The following GRM8 variants were observed in gnomAD, a reference collection of about 807,000 sequenced individuals.
GRM8 encodes the protein metabotropic glutamate receptor 8.
A neutral mutation model predicts 87.2 loss-of-function variants in GRM8; 47 were observed. That is an observed-to-expected ratio of 0.54 (90% CI 0.43 to 0.69). GRM8 has a LOEUF of 0.69. Among genes scored for constraint, GRM8 ranks in the 30% least tolerant of loss-of-function variants. The pLI is 0.00. For synonymous variants in GRM8, 396 were observed against 404.5 expected (o/e 0.98, Z 0.25); for missense variants, 1,019 against 1,139.2 (o/e 0.89, Z 1.52).
At chr7:126,506,548 G>T (rs1221118701) in intron 9 of GRM8, among the ~76,000 whole-genome samples, 2 of 152,018 alleles carry the variant, frequency 1.3e-5, no homozygotes, top group Middle Eastern at 3.2e-3. Flanking sequence ...GAGAGGCCCA[G>T]GCGGGCAGAT....
At chr7:127,247,869 T>C (rs1276047401) in intron 1 of GRM8, among the ~76,000 whole-genome samples, 1 of 152,206 alleles carries the variant, frequency 6.6e-6, no homozygotes, top group Admixed American at 6.5e-5. Context: ...ATAACTGATT[T>C]TGTTTGCAAG....
At chr7:127,155,672 CAA>C (rs1792679215) in intron 2 of GRM8, among the ~76,000 whole-genome samples, 1 of 152,046 alleles carries the variant, frequency 6.6e-6, no homozygotes, top group Non-Finnish European at 1.5e-5. Flanking sequence ...GTTCGGTTCA[CAA>C]AAGTTTTATT....
intron 2 of GRM8, among the ~76,000 whole-genome samples, chr7:127,147,500 C>T (rs899742385): frequency 2.0e-5 from 3 of 151,986 alleles, no homozygotes; most frequent in Admixed American, 2.0e-4. Flanking sequence ...TTGGTCTCTG[C>T]TTTGGGCAAA....
intron 3 of GRM8, among the ~76,000 whole-genome samples, chr7:127,005,337 T>C (rs1814179349): frequency 6.6e-6 from 1 of 151,668 alleles, no homozygotes; most frequent in South Asian, 2.1e-4. Flanking sequence ...ATCTAGTATC[T>C]TTTCTACCAG....
chr7:127,186,920 T>A (rs1176454059), intron 2 of GRM8, among the ~76,000 whole-genome samples: 2 of 152,158 alleles, frequency 1.3e-5, no homozygotes, highest in Non-Finnish European at 2.9e-5. Context: ...GGACCTCATG[T>A]GGGAAGTGTT....
intron 2 of GRM8, among the ~76,000 whole-genome samples, chr7:127,212,756 G>C (rs892461820): frequency 2.0e-5 from 3 of 152,280 alleles, no homozygotes; most frequent in Non-Finnish European, 2.9e-5. Flanking sequence ...AAAAACCAAA[G>C]TAACAATCTA....
intron 3 of GRM8, among the ~76,000 whole-genome samples, chr7:126,915,898 T>C (rs191208313): frequency 1.1e-4 from 16 of 152,332 alleles, no homozygotes; most frequent in African/African-American, 3.6e-4. Context: ...TAGGTTTAAA[T>C]GAATGTCATT....
At chr7:126,901,927 ACT>A (rs763025924) in intron 6 of GRM8, among the ~76,000 whole-genome samples, 15 of 151,888 alleles carry the variant, frequency 9.9e-5, no homozygotes, top group East Asian at 1.9e-4. Flanking sequence ...GTTCTAAGTA[ACT>A]CTGTCTCAAA....
intron 3 of GRM8, among the ~76,000 whole-genome samples, chr7:127,081,891 A>C (rs1255050156): frequency 2.6e-5 from 4 of 152,216 alleles, no homozygotes; most frequent in African/African-American, 9.6e-5. Context: ...CAATTTCTGA[A>C]GGTATCAGCA....
intron 8 of GRM8, among the ~76,000 whole-genome samples, chr7:126,567,374 C>G (rs1467372062): frequency 7.4e-6 from 1 of 135,720 alleles, no homozygotes; most frequent in East Asian, 2.1e-4. Context: ...CACATGGACA[C>G]AGGAAGGGGA....
intron 6 of GRM8, among the ~76,000 whole-genome samples, chr7:126,796,752 C>G (rs528697392): frequency 1.3e-5 from 2 of 152,074 alleles, no homozygotes; most frequent in East Asian, 1.9e-4. Flanking sequence ...GTTAAAGCAC[C>G]CTCCAAAAAG....
At chr7:126,934,194 C>G (rs1004824576) in intron 3 of GRM8, among the ~76,000 whole-genome samples, 15 of 152,144 alleles carry the variant, frequency 9.9e-5, no homozygotes, top group African/African-American at 3.6e-4. Context: ...TATAAAAATA[C>G]ATAGCTCTAG....
At chr7:127,116,652 G>C (rs1022526920) in intron 2 of GRM8, among the ~76,000 whole-genome samples, 2 of 152,266 alleles carry the variant, frequency 1.3e-5, no homozygotes, top group East Asian at 3.9e-4. Context: ...TTGACACATT[G>C]AAAAATGAAG....
intron 3 of GRM8, among the ~76,000 whole-genome samples, chr7:127,002,405 C>T (rs192220187): frequency 2.3e-3 from 343 of 151,644 alleles, no homozygotes; most frequent in African/African-American, 7.9e-3. Context: ...TTCCTCCTAC[C>T]CAGCTGGGAA....
At chr7:126,510,281 C>T (rs1811134452) in intron 9 of GRM8, among the ~76,000 whole-genome samples, 1 of 126,752 alleles carries the variant, frequency 7.9e-6, no homozygotes, top group African/African-American at 2.9e-5. Flanking sequence ...TTTAAAGACA[C>T]ATAGGTTTTA....
intron 7 of GRM8, among the ~76,000 whole-genome samples, chr7:126,639,378 G>A (rs1234258380): frequency 1.3e-5 from 2 of 152,210 alleles, no homozygotes; most frequent in African/African-American, 2.4e-5. Context: ...ATTTCCAGCA[G>A]TGTGGGGTCC....
intron 6 of GRM8, among the ~76,000 whole-genome samples, chr7:126,855,023 T>A (rs1041885839): frequency 1.3e-5 from 2 of 152,196 alleles, no homozygotes; most frequent in Admixed American, 6.5e-5. Context: ...TCAGGGGGAA[T>A]GCTTTCAGTT....
At chr7:126,506,885 C>T (rs1231962705) in intron 9 of GRM8, among the ~76,000 whole-genome samples, 1 of 152,066 alleles carries the variant, frequency 6.6e-6, no homozygotes, top group Non-Finnish European at 1.5e-5. Context: ...GCAACTCTTC[C>T]CTTCAAGGAA....
intron 8 of GRM8, among the ~76,000 whole-genome samples, chr7:126,552,022 T>A (rs1792642902): frequency 6.6e-6 from 1 of 152,132 alleles, no homozygotes; most frequent in African/African-American, 2.4e-5. Flanking sequence ...ATTTTTGTAT[T>A]CATCTTCTTT....
Sources: gnomAD v4.1 joint callset for allele counts (sites outside exome capture counted in the v4.1 genomes callset) on GRCh38, gnomAD v4.1.1 for gene constraint, MANE v1.5 for transcripts, NCBI Gene and HGNC (gene_info 2026-07-23, HGNC 2026-07-21) for gene names.